The following ADAMTS12 variants were observed in gnomAD, a reference collection of about 807,000 sequenced individuals.
ADAMTS12 encodes A disintegrin and metalloproteinase with thrombospondin motifs 12.
Under a neutral mutation model 167.8 loss-of-function variants are expected in ADAMTS12, and 118 were observed. The ratio of observed to expected loss-of-function variants is 0.70; its 90% CI spans 0.61 to 0.82. The LOEUF is 0.82. Among genes scored for constraint, ADAMTS12 ranks in the 40% least tolerant of loss-of-function variants. The pLI, the probability that ADAMTS12 is intolerant of heterozygous loss-of-function variation, is 0.00. For synonymous variants in ADAMTS12, 704 were observed against 716.9 expected, an observed-to-expected ratio of 0.98 and a Z score of 0.29; for missense variants, 1,916 against 1,998.8, an observed-to-expected ratio of 0.96 and a Z score of 0.79.
At chr5:33,779,312 A>G (rs113115866) in intron 2 of ADAMTS12, among the ~76,000 whole-genome samples, 1 of 151,084 alleles carries the variant, frequency 6.6e-6, no homozygotes, top group Non-Finnish European at 1.5e-5. Flanking sequence ...CAGCCTCCTG[A>G]GTAGCTGGGA....
intron 2 of ADAMTS12, among the ~76,000 whole-genome samples, chr5:33,760,367 A>T (rs1392719738): frequency 4.0e-5 from 6 of 151,844 alleles, no homozygotes; most frequent in Non-Finnish European, 7.4e-5. Context: ...GACGATAAAA[A>T]GATGCCAAAA....
intron 2 of ADAMTS12, among the ~76,000 whole-genome samples, chr5:33,866,271 A>T (rs1223594896): frequency 6.6e-6 from 1 of 152,150 alleles, no homozygotes; most frequent in Non-Finnish European, 1.5e-5. Flanking sequence ...CTGAATAGAG[A>T]ACCCAGAAAT....
chr5:33,599,708 C>G, intron 16 of ADAMTS12, among the ~76,000 whole-genome samples: 1 of 152,172 alleles, frequency 6.6e-6, no homozygotes, highest in Non-Finnish European at 1.5e-5. Context: ...TGCTGGGTCC[C>G]TAACTGGTAA....
chr5:33,787,078 C>T (rs942887444), intron 2 of ADAMTS12, among the ~76,000 whole-genome samples: 2 of 152,078 alleles, frequency 1.3e-5, no homozygotes, highest in African/African-American at 4.8e-5. Flanking sequence ...TAGCTCTTTC[C>T]AATTCAGTGA....
At chr5:33,585,804 G>A (rs1000063814) in intron 18 of ADAMTS12, among the ~76,000 whole-genome samples, 1 of 152,198 alleles carries the variant, frequency 6.6e-6, no homozygotes, top group African/African-American at 2.4e-5. Flanking sequence ...GGGCAGGAAA[G>A]CCTGTCTGGG....
intron 2 of ADAMTS12, among the ~76,000 whole-genome samples, chr5:33,842,032 C>T (rs1748762525): frequency 6.6e-6 from 1 of 152,228 alleles, no homozygotes; most frequent in Middle Eastern, 3.4e-3. Context: ...CCTGGACACC[C>T]GGGTAAATGC....
Position 33,654,754 on chromosome 5 carries a change from T to C in ADAMTS12, c.1190+3430A>G, listed in dbSNP as rs75811467. ...CTAGCATAGAGCCACAGTTGTACAG[T>C]TTTTTCTTTCCTTTGCTGTTCACCT... On this transcript the variant is annotated intron_variant, in intron 7 of 23. Coordinates refer to ENST00000504830, the MANE Select transcript of ADAMTS12 (RefSeq NM_030955.4). Among the ~76,000 whole-genome samples the C allele has an allele frequency of 1.1e-3, 171 of 152,178 alleles. 2 individuals carry two copies. The highest frequency in any genetic ancestry group is 3.4e-3 in the Middle Eastern group (1 of 294).
At chr5:33,682,567 G>C (rs1424161356) in intron 5 of ADAMTS12, among the ~76,000 whole-genome samples, 1 of 151,942 alleles carries the variant, frequency 6.6e-6, no homozygotes, top group Non-Finnish European at 1.5e-5. Context: ...TCTGAGAATA[G>C]ATGAAATCCC....
chr5:33,681,483 C>T (rs1742111111), intron 5 of ADAMTS12, among the ~76,000 whole-genome samples: 1 of 152,132 alleles, frequency 6.6e-6, no homozygotes, highest in South Asian at 2.1e-4. Context: ...TCATTTGTGT[C>T]CCAGGCACTG....
chr5:33,672,752 G>T (rs796346543), intron 5 of ADAMTS12, among the ~76,000 whole-genome samples: 1 of 152,198 alleles, frequency 6.6e-6, no homozygotes, highest in Non-Finnish European at 1.5e-5. Context: ...CATCCTTGTG[G>T]AGAAAGCAGA....
chr5:33,878,891 C>T (rs890098997), intron 2 of ADAMTS12, among the ~76,000 whole-genome samples: 31 of 152,300 alleles, frequency 2.0e-4, no homozygotes, highest in African/African-American at 7.5e-4. Flanking sequence ...ACAACGACTA[C>T]TCTAGTCCAG....
At chr5:33,650,616 C>G (rs1740836538) in intron 7 of ADAMTS12, among the ~76,000 whole-genome samples, 1 of 152,216 alleles carries the variant, frequency 6.6e-6, no homozygotes, top group Admixed American at 6.5e-5. Flanking sequence ...TTGGTCTGTT[C>G]CCTGACCTTC....
intron 20 of ADAMTS12, among the ~76,000 whole-genome samples, chr5:33,549,737 A>G (rs959759950): frequency 6.6e-6 from 1 of 152,250 alleles, no homozygotes; most frequent in Non-Finnish European, 1.5e-5. Flanking sequence ...CTGGCACAGC[A>G]TCTGCCCCAG....
At chr5:33,692,046 A>G (rs1163394152) in intron 3 of ADAMTS12, among the ~76,000 whole-genome samples, 1 of 152,196 alleles carries the variant, frequency 6.6e-6, no homozygotes, top group Non-Finnish European at 1.5e-5. Flanking sequence ...GCCTGAGGCA[A>G]TTTGTGCCTT....
intron 2 of ADAMTS12, among the ~76,000 whole-genome samples, chr5:33,872,555 A>AAAAG (rs1443789944): frequency 1.3e-5 from 2 of 151,850 alleles, no homozygotes; most frequent in South Asian, 2.1e-4. Flanking sequence ...TGAAAAAAAA[A>AAAAG]AAAGAAAGAA....
chr5:33,534,119 C>T (rs73758589), intron 23 of ADAMTS12, among the ~76,000 whole-genome samples: 15 of 152,326 alleles, frequency 9.8e-5, no homozygotes, highest in East Asian at 1.9e-4. Flanking sequence ...TTGTCTCTCA[C>T]GCAGAGAGCC....
chr5:33,668,418 T>G (rs1741547875), intron 5 of ADAMTS12, among the ~76,000 whole-genome samples: 1 of 152,340 alleles, frequency 6.6e-6, no homozygotes, highest in East Asian at 1.9e-4. Context: ...TGATATTTAG[T>G]GGTCCTGGCA....
At chr5:33,883,334 T>A (rs1044975058) in intron 1 of ADAMTS12, among the ~76,000 whole-genome samples, 4 of 148,992 alleles carry the variant, frequency 2.7e-5, no homozygotes, top group African/African-American at 1.0e-4. Context: ...TTTGTTTTTT[T>A]TTTTTTTGTT....
intron 3 of ADAMTS12, among the ~76,000 whole-genome samples, chr5:33,702,829 G>A (rs568915710): frequency 2.0e-5 from 3 of 152,226 alleles, no homozygotes; most frequent in South Asian, 2.1e-4. Flanking sequence ...CAGAAGTAAC[G>A]CTATTTCAGA....
Sources: gnomAD v4.1 joint callset for allele counts (sites outside exome capture counted in the v4.1 genomes callset) on GRCh38, gnomAD v4.1.1 for gene constraint, MANE v1.5 for transcripts, NCBI Gene and HGNC (gene_info 2026-07-23, HGNC 2026-07-21) for gene names.